The following EYA3 variants were observed in gnomAD, a reference collection of about 807,000 sequenced individuals.
EYA3 encodes the protein EYA transcriptional coactivator and phosphatase 3.
EYA3 carries 39 observed loss-of-function variants against 80.0 expected under a neutral mutation model. That is an observed-to-expected ratio of 0.49 (90% CI 0.38 to 0.64). The LOEUF is 0.64. EYA3 is among the 30% of genes least tolerant of loss of function. EYA3 has a pLI of 0.00. For missense variants in EYA3, 523 were observed against 676.1 expected (o/e 0.77, Z 2.51); for synonymous variants, 206 against 232.8 (o/e 0.88, Z 1.05).
At chr1:28,030,677 G>A (rs1571848564) in intron 6 of EYA3, among the ~76,000 whole-genome samples, 1 of 152,144 alleles carries the variant, frequency 6.6e-6, no homozygotes, top group East Asian at 1.9e-4. Context: ...AGAGACTGAG[G>A]AATACTGACA....
At chr1:28,023,440 C>T (rs1642581453) in intron 7 of EYA3, among the ~76,000 whole-genome samples, 1 of 152,140 alleles carries the variant, frequency 6.6e-6, no homozygotes, top group Admixed American at 6.5e-5. Context: ...AACTGACAAA[C>T]ACTACTTCAA....
chr1:28,088,499 G>C (rs1272017330), intron 1 of EYA3, 25 bp downstream of exon 1: 1 of 153,438 alleles, frequency 6.5e-6, no homozygotes, highest in Non-Finnish European at 1.5e-5. Context: ...GCTGCGCTCA[G>C]ACCCTGTTGG....
chr1:28,068,623 C>A (rs529772570), intron 1 of EYA3, among the ~76,000 whole-genome samples: 72 of 151,826 alleles, frequency 4.7e-4, no homozygotes, highest in African/African-American at 1.5e-3. Flanking sequence ...TGGCAGCCCT[C>A]AGAATCAGAA....
At chr1:28,003,973 G>A (rs1396112717) in intron 11 of EYA3, among the ~76,000 whole-genome samples, 3 of 152,022 alleles carry the variant, frequency 2.0e-5, no homozygotes, top group African/African-American at 7.3e-5. Context: ...CTCAATTTGG[G>A]CTGTTAAAAG....
At chr1:28,017,803 C>T (rs970366283) in intron 7 of EYA3, among the ~76,000 whole-genome samples, 1 of 152,122 alleles carries the variant, frequency 6.6e-6, no homozygotes, top group Non-Finnish European at 1.5e-5. Flanking sequence ...AATGACATAG[C>T]ATTTAGAGAC....
chr1:28,018,195 CA>C (rs957991832), intron 7 of EYA3, among the ~76,000 whole-genome samples: 1 of 132,544 alleles, frequency 7.5e-6, no homozygotes, highest in Admixed American at 7.8e-5. Flanking sequence ...GACTCTGTCT[CA>C]AAAAAAAAGA....
At chr1:28,077,532 A>G (rs1645266249) in intron 1 of EYA3, among the ~76,000 whole-genome samples, 1 of 152,180 alleles carries the variant, frequency 6.6e-6, no homozygotes, top group Admixed American at 6.5e-5. Context: ...TAACAGTACA[A>G]TGGTTCTTCT....
At chr1:28,022,812 C>T (rs1241585535) in intron 7 of EYA3, among the ~76,000 whole-genome samples, 3 of 151,858 alleles carry the variant, frequency 2.0e-5, no homozygotes, top group African/African-American at 7.3e-5. Flanking sequence ...CCTCCTAAGG[C>T]TCAGGCGATC....
Position 28,042,605 on chromosome 1 carries a change from T to C in EYA3, c.123A>G (p.Ser41=). ...PDVSDQKPET[S]SLASNLPMSE... is the part of the protein sequence containing the mutation. ...ACATGGGAAGGTTTGAAGCAAGGCT[T>C]GATGTTTCAGGCTTCTGATCACTGA... The change falls in exon 4 of 18, where the codon TCA becomes TCG. Residue 41 remains serine, a synonymous_variant. Coordinates refer to ENST00000373871, the MANE Select transcript of EYA3 (RefSeq NM_001990.4). 2 of 1,614,214 alleles carry C rather than the reference T, an allele frequency of 1.2e-6. No homozygotes were observed. The highest frequency in any genetic ancestry group is 2.2e-5 in the East Asian group (1 of 44,890).
chr1:27,998,392 C>CA, intron 12 of EYA3: 9 of 803,424 alleles, frequency 1.1e-5, no homozygotes, highest in Non-Finnish European at 1.2e-5. Flanking sequence ...TAATTATTGG[C>CA]ATGTAGTAGG....
At chr1:28,065,033 A>G (rs1483925775) in intron 1 of EYA3, among the ~76,000 whole-genome samples, 1 of 152,250 alleles carries the variant, frequency 6.6e-6, no homozygotes, top group African/African-American at 2.4e-5. Context: ...TGTATACAGT[A>G]GTCTCCCCTT....
At chr1:28,083,796 T>C (rs1645516660) in intron 1 of EYA3, among the ~76,000 whole-genome samples, 1 of 152,200 alleles carries the variant, frequency 6.6e-6, no homozygotes, top group South Asian at 2.1e-4. Flanking sequence ...TTCAGAAATG[T>C]ACAAATAAGA....
intron 6 of EYA3, chr1:28,032,072 T>C (rs1375371665): frequency 6.6e-6 from 1 of 152,114 alleles, no homozygotes; most frequent in Admixed American, 6.5e-5. Flanking sequence ...TTAGTGAAGA[T>C]ACCCAATCAG....
intron 4 of EYA3, among the ~76,000 whole-genome samples, chr1:28,041,192 C>G (rs2148860305): frequency 6.6e-6 from 1 of 151,934 alleles, no homozygotes; most frequent in East Asian, 1.9e-4. Flanking sequence ...GGTGAAACCC[C>G]ATCTCTACTA....
chr1:28,048,325 G>GAAAA, intron 3 of EYA3, 58 bp downstream of exon 3: 2 of 1,026,504 alleles, frequency 1.9e-6, no homozygotes, highest in Non-Finnish European at 2.7e-6. Context: ...ATCAGCATGT[G>GAAAA]AAAAAAAAAA....
intron 10 of EYA3, among the ~76,000 whole-genome samples, chr1:28,006,637 C>T (rs1406141400): frequency 6.6e-6 from 1 of 151,926 alleles, no homozygotes; most frequent in East Asian, 1.9e-4. Flanking sequence ...ACCTGGGAAG[C>T]GGAGGTTGCA....
At chr1:28,050,556 T>A (rs1249369039) in intron 2 of EYA3, among the ~76,000 whole-genome samples, 5 of 152,122 alleles carry the variant, frequency 3.3e-5, no homozygotes, top group Non-Finnish European at 5.9e-5. Flanking sequence ...CCTTCATTTT[T>A]AATTTATTAC....
In EYA3 at chr1:28,042,595, A is replaced by G; in HGVS notation, c.133T>C (p.Ser45Pro). 6.2e-7 allele frequency: 1 copy of G among 1,614,178 alleles called. No individual in the cohort carries two copies. Among genetic ancestry groups the G allele is most frequent in the Non-Finnish European group, 8.5e-7 (1 of 1,179,994 alleles). ...DQKPETSSLA[S>P]NLPMSEEIMT... The stretch of plus-strand genomic sequence containing the variant: ...CTTTCCTCTGACATGGGAAGGTTTG[A>G]AGCAAGGCTTGATGTTTCAGGCTTC... The change falls in exon 4 of 18, where the codon TCA (serine) becomes CCA (proline). Residue 45 changes from serine to proline, a missense_variant. Transcript: ENST00000373871.
intron 10 of EYA3, among the ~76,000 whole-genome samples, chr1:28,008,883 G>T (rs1331816812): frequency 5.9e-5 from 9 of 152,144 alleles, no homozygotes; most frequent in African/African-American, 2.2e-4. Flanking sequence ...GGCAGAGGTT[G>T]CAATGAGCCG....
Sources: allele counts gnomAD v4.1 joint callset (sites outside exome capture counted in the v4.1 genomes callset), GRCh38; gene constraint gnomAD v4.1.1; transcripts MANE v1.5; gene names NCBI Gene and HGNC (gene_info 2026-07-23, HGNC 2026-07-21).